EPHA6: variants seen among roughly 807,000 people sequenced by gnomAD.
EPHA6 encodes the protein EPH receptor A6.
EPHA6 carries 50 observed loss-of-function variants against 112.0 expected under a neutral mutation model. The ratio of observed to expected loss-of-function variants is 0.45; its 90% CI spans 0.36 to 0.56. The LOEUF is 0.56. Ranked by LOEUF, EPHA6 falls within the 20% of genes least tolerant of loss-of-function variation. The pLI is 0.00. For synonymous variants in EPHA6, 529 were observed against 490.7 expected, an observed-to-expected ratio of 1.08 and a Z score of -1.03; for missense variants, 1,280 against 1,417.4, an observed-to-expected ratio of 0.90 and a Z score of 1.56.
chr3:96,859,466 A>G (rs188835233), intron 1 of EPHA6, among the ~76,000 whole-genome samples: 377 of 150,740 alleles, frequency 2.5e-3, no homozygotes, highest in African/African-American at 8.8e-3. Flanking sequence ...GCTGCAGCCT[A>G]GAACTCCTGG....
chr3:97,678,146 T>C (rs1192405985), intron 14 of EPHA6, among the ~76,000 whole-genome samples: 1 of 151,992 alleles, frequency 6.6e-6, no homozygotes, highest in East Asian at 1.9e-4. Context: ...GAGAGGGTGG[T>C]GACTGGAAAT....
chr3:97,289,976 A>G (rs962808686), intron 5 of EPHA6, among the ~76,000 whole-genome samples: 4 of 151,830 alleles, frequency 2.6e-5, no homozygotes, highest in African/African-American at 9.7e-5. Flanking sequence ...CACGGATTTT[A>G]GTTATTTCTT....
intron 3 of EPHA6, among the ~76,000 whole-genome samples, chr3:97,173,782 A>G (rs530238094): frequency 6.6e-6 from 1 of 151,998 alleles, no homozygotes; most frequent in Admixed American, 6.6e-5. Context: ...GTATATAGTT[A>G]TAAAGTACAT....
intron 1 of EPHA6, among the ~76,000 whole-genome samples, chr3:96,862,626 A>G (rs2036074041): frequency 6.6e-6 from 1 of 151,834 alleles, no homozygotes; most frequent in African/African-American, 2.4e-5. Flanking sequence ...ATAAAATCTC[A>G]TCCTTTTCTT....
At chr3:97,251,791 A>G (rs1283096655) in intron 5 of EPHA6, among the ~76,000 whole-genome samples, 1 of 152,174 alleles carries the variant, frequency 6.6e-6, no homozygotes, top group Non-Finnish European at 1.5e-5. Context: ...ATGTCCAGTG[A>G]AAAATAAAAA....
chr3:97,408,384 T>G (rs80216527), intron 6 of EPHA6, among the ~76,000 whole-genome samples: 2,398 of 152,074 alleles, frequency 0.016, 64 homozygotes, highest in African/African-American at 0.052. Context: ...CATTCTTAAT[T>G]TTTCTTCCTG....
chr3:97,181,964 AG>A (rs1355560224), intron 3 of EPHA6, among the ~76,000 whole-genome samples: 2 of 152,086 alleles, frequency 1.3e-5, no homozygotes, highest in Non-Finnish European at 2.9e-5. Context: ...CACTTGGCAC[AG>A]CTGAGCCAAT....
intron 5 of EPHA6, among the ~76,000 whole-genome samples, chr3:97,247,744 AGT>A (rs943571169): frequency 8.6e-5 from 13 of 151,962 alleles, no homozygotes; most frequent in African/African-American, 3.1e-4. Flanking sequence ...AGCTGAAACA[AGT>A]TAAAGAATCA....
chr3:97,356,535 C>T (rs2084087274), intron 5 of EPHA6, among the ~76,000 whole-genome samples: 1 of 151,948 alleles, frequency 6.6e-6, no homozygotes, highest in Non-Finnish European at 1.5e-5. Context: ...TCTAATTTCC[C>T]TTGTAATTTC....
chr3:97,488,208 C>T lies in EPHA6; in HGVS notation c.2200+4149C>T, dbSNP rs2091747713. 4.6e-5 allele frequency among the ~76,000 whole-genome samples: 7 copies of T among 152,270 alleles called. No individual in the cohort carries two copies. In the South Asian group the frequency reaches 1.2e-3, roughly 27 times the overall value. ...TCTTCCTGTCATACATATTCTTTCC[C>T]TTTATCTATATGAAACTCATTATGG... is the stretch of plus-strand genomic sequence containing the variant. On this transcript the variant is annotated intron_variant, in intron 10 of 17. Coordinates refer to ENST00000389672, the MANE Select transcript of EPHA6 (RefSeq NM_001080448.3).
intron 3 of EPHA6, among the ~76,000 whole-genome samples, chr3:97,171,925 T>G (rs926758940): frequency 6.6e-6 from 1 of 152,108 alleles, no homozygotes; most frequent in Non-Finnish European, 1.5e-5. Flanking sequence ...AAGGCTATAC[T>G]ATCAAGTAAA....
At chr3:97,713,316 G>T (rs528495166) in intron 14 of EPHA6, among the ~76,000 whole-genome samples, 1 of 152,064 alleles carries the variant, frequency 6.6e-6, no homozygotes, top group South Asian at 2.1e-4. Flanking sequence ...GTGAGCTCTG[G>T]GTTCATGAAA....
intron 10 of EPHA6, among the ~76,000 whole-genome samples, chr3:97,521,017 A>T (rs2092533328): frequency 6.6e-6 from 1 of 151,838 alleles, no homozygotes; most frequent in Non-Finnish European, 1.5e-5. Flanking sequence ...TATTTCATTC[A>T]ATTACTTTTT....
chr3:97,171,914 T>C (rs1230300189), intron 3 of EPHA6, among the ~76,000 whole-genome samples: 1 of 152,004 alleles, frequency 6.6e-6, no homozygotes, highest in African/African-American at 2.4e-5. Context: ...AGAAGAACAA[T>C]AAGGCTATAC....
intron 6 of EPHA6, among the ~76,000 whole-genome samples, chr3:97,414,796 C>T (rs1258279353): frequency 1.3e-5 from 2 of 152,000 alleles, no homozygotes; most frequent in Non-Finnish European, 2.9e-5. Flanking sequence ...GAAATCTGCC[C>T]AGAAAAATCA....
intron 6 of EPHA6, among the ~76,000 whole-genome samples, chr3:97,440,038 T>C (rs2090054511): frequency 6.6e-6 from 1 of 152,146 alleles, no homozygotes; most frequent in South Asian, 2.1e-4. Context: ...CATTTTGTTT[T>C]GTTTTTTGAG....
chr3:97,074,026 T>G (rs965725741), intron 3 of EPHA6, among the ~76,000 whole-genome samples: 2 of 151,834 alleles, frequency 1.3e-5, no homozygotes, highest in African/African-American at 2.4e-5. Context: ...CTACTGATTA[T>G]ATATGCTATT....
intron 4 of EPHA6, 86 bp from the exon 5 acceptor site, chr3:97,243,866 A>C: frequency 3.1e-6 from 3 of 976,526 alleles, no homozygotes; most frequent in South Asian, 3.5e-5. Flanking sequence ...AAAGAGCAAC[A>C]AGTGTTTATT....
chr3:97,753,361 G>A lies in EPHA6; in HGVS notation c.*4660G>A, dbSNP rs562644489. 6.6e-5 allele frequency among the ~76,000 whole-genome samples: 10 copies of A among 152,204 alleles called. No homozygotes were observed. The highest frequency in any genetic ancestry group is 3.9e-4 in the East Asian group (2 of 5,180). ...ATATAAAGAAATAAATAGGATCTTC[G>A]TCCAGTGTGAATTGGATTTGCAATT... On this transcript the variant is annotated 3_prime_UTR_variant, in exon 18 of 18. Transcript: ENST00000389672.
Sources: gnomAD v4.1 joint callset for allele counts (sites outside exome capture counted in the v4.1 genomes callset) on GRCh38, gnomAD v4.1.1 for gene constraint, MANE v1.5 for transcripts, NCBI Gene and HGNC (gene_info 2026-07-23, HGNC 2026-07-21) for gene names.